The following WDR64 variants were observed in gnomAD, a reference collection of about 807,000 sequenced individuals.
WDR64 encodes WD repeat domain 64, also known as WD repeat-containing protein 64.
In WDR64, 112 loss-of-function variants were observed where a neutral mutation model predicts 139.3. That is an observed-to-expected ratio of 0.80 (90% CI 0.69 to 0.94). WDR64 has a LOEUF of 0.94. Among genes scored for constraint, WDR64 ranks in the 40% least tolerant of loss-of-function variants. The pLI, the probability that WDR64 is intolerant of heterozygous loss-of-function variation, is 0.00. For missense variants in WDR64, 1,206 were observed against 1,293.1 expected, an observed-to-expected ratio of 0.93 and a Z score of 1.03; for synonymous variants, 444 against 437.7, an observed-to-expected ratio of 1.01 and a Z score of -0.18.
chr1:241,783,606 T>C (rs1658927378), intron 23 of WDR64, among the ~76,000 whole-genome samples: 1 of 152,246 alleles, frequency 6.6e-6, no homozygotes, highest in African/African-American at 2.4e-5. Flanking sequence ...TATTAAAAGG[T>C]ATCACAAATG....
chr1:241,728,317 A>G lies in WDR64; in HGVS notation c.1194+4881A>G, dbSNP rs189261080. On this transcript the variant is annotated intron_variant, in intron 10 of 27. Coordinates refer to ENST00000437684, the MANE Select transcript of WDR64 (RefSeq NM_001367482.1). The stretch of plus-strand genomic sequence containing the variant: ...CACTGCACTCCAGCCTGGGCAATAG[A>G]GCGAGACTCAGTCTCAGAAAAGAAG... 1.1e-3 allele frequency among the ~76,000 whole-genome samples: 166 copies of G among 150,892 alleles called. 1 individual carries two copies. Among genetic ancestry groups the G allele is most frequent in the African/African-American group, 3.8e-3 (154 of 40,738 alleles).
chr1:241,732,197 T>C (rs1669108308), intron 10 of WDR64, among the ~76,000 whole-genome samples: 1 of 152,202 alleles, frequency 6.6e-6, no homozygotes, highest in Non-Finnish European at 1.5e-5. Flanking sequence ...GACCCCTTGC[T>C]CTATCTAAAT....
At chr1:241,719,293 T>A (rs1668516541) in intron 9 of WDR64, among the ~76,000 whole-genome samples, 1 of 152,200 alleles carries the variant, frequency 6.6e-6, no homozygotes, top group African/African-American at 2.4e-5. Context: ...ATCTTTTGAA[T>A]TCTTACTATA....
intron 7 of WDR64, among the ~76,000 whole-genome samples, chr1:241,686,035 A>C (rs887469523): frequency 3.3e-5 from 5 of 152,222 alleles, no homozygotes; most frequent in African/African-American, 7.2e-5. Flanking sequence ...GAATCTGGGT[A>C]CAGTTAAATG....
At position 241,696,707 on chromosome 1, in the gene WDR64, G is replaced by A. The variant is rs547820118; in HGVS notation, c.974+9112G>A. Among the ~76,000 whole-genome samples, 216 of 152,210 alleles carry A rather than the reference G, an allele frequency of 1.4e-3. 1 individual carries two copies. The highest frequency in any genetic ancestry group is 9.7e-4 in the Non-Finnish European group (66 of 68,016). On this transcript the variant is annotated intron_variant, in intron 8 of 27. Coordinates refer to ENST00000437684, the MANE Select transcript of WDR64 (RefSeq NM_001367482.1). ...AGCCTGCTACTGCATTATAATTTGCGTATAATGAGCAGTGAGGATGACCAG... is the reference window on the plus strand; with the variant it reads ...AGCCTGCTACTGCATTATAATTTGCATATAATGAGCAGTGAGGATGACCAG...
At chr1:241,790,728 GCAA>G (rs777780371) in intron 25 of WDR64, 32 bp downstream of exon 25, 19 of 1,350,996 alleles carry the variant, frequency 1.4e-5, no homozygotes, top group East Asian at 4.6e-5. Flanking sequence ...AAAAGAAATG[GCAA>G]CAACAACAAA....
intron 8 of WDR64, among the ~76,000 whole-genome samples, chr1:241,701,298 A>T (rs1376312360): frequency 6.6e-6 from 1 of 151,590 alleles, no homozygotes; most frequent in Admixed American, 6.6e-5. Context: ...ACACACACTC[A>T]CACACACAGA....
rs1416340030 is a variant in WDR64 at position 241,802,423 on chromosome 1, A to G, written c.*1208A>G. ...ATATCACAGAGAGATTTAGAGATTT[A>G]GAAGGGGTATGAAAGAACTTTCTGG... On this transcript the variant is annotated 3_prime_UTR_variant, in exon 28 of 28. Transcript: ENST00000437684. Among the ~76,000 whole-genome samples, 1 of 152,210 alleles carries G rather than the reference A, an allele frequency of 6.6e-6. No homozygotes were observed. Among genetic ancestry groups the G allele is most frequent in the Non-Finnish European group, 1.5e-5 (1 of 68,012 alleles).
chr1:241,726,123 C>T (rs1668828681), intron 10 of WDR64, among the ~76,000 whole-genome samples: 1 of 151,878 alleles, frequency 6.6e-6, no homozygotes, highest in South Asian at 2.1e-4. Context: ...GTTGCCCGAA[C>T]TTCTGGGCTC....
At position 241,757,345 on chromosome 1, in the gene WDR64, A is replaced by G; in HGVS notation, c.1833A>G (p.Leu611=). 6.2e-7 allele frequency: 1 copy of G among 1,614,034 alleles called. No individual in the cohort carries two copies. Among genetic ancestry groups the G allele is most frequent in the Middle Eastern group, 1.6e-4 (1 of 6,062 alleles). Residue 611 remains leucine (L), a synonymous_variant, in exon 15 of 28, where the codon CTA becomes CTG. Coordinates refer to ENST00000437684, the MANE Select transcript of WDR64 (RefSeq NM_001367482.1). The part of the protein sequence containing the change: ...IWELPDVVPF[L]QDGKHAVHLR... Reference sequence around the variant, plus strand: ...AGCTGCCTGATGTTGTGCCTTTCCTACAAGATGGGAAACATGCTGTGCATC... The same window carrying G: ...AGCTGCCTGATGTTGTGCCTTTCCTGCAAGATGGGAAACATGCTGTGCATC...
intron 10 of WDR64, among the ~76,000 whole-genome samples, chr1:241,737,421 A>G (rs1172585809): frequency 6.6e-6 from 1 of 152,206 alleles, no homozygotes; most frequent in Admixed American, 6.5e-5. Context: ...AGCTCTCTTA[A>G]CTAAACTACT....
chr1:241,763,426 T>C (rs1188211763), intron 15 of WDR64, among the ~76,000 whole-genome samples: 1 of 152,180 alleles, frequency 6.6e-6, no homozygotes, highest in Non-Finnish European at 1.5e-5. Context: ...TTTGCAAAAG[T>C]CGGCCAGGCA....
intron 10 of WDR64, among the ~76,000 whole-genome samples, chr1:241,735,193 A>C (rs1398620746): frequency 6.6e-6 from 1 of 151,584 alleles, no homozygotes; most frequent in Non-Finnish European, 1.5e-5. Flanking sequence ...TTCCCTCAAC[A>C]CTCTGTTTTG....
chr1:241,795,986 A>G (rs1659354140), intron 26 of WDR64, among the ~76,000 whole-genome samples: 1 of 152,114 alleles, frequency 6.6e-6, no homozygotes, highest in Non-Finnish European at 1.5e-5. Flanking sequence ...AGTGTCTCAC[A>G]CCTGTAACCC....
At chr1:241,790,731 A>G (rs1323773235) in intron 25 of WDR64, 35 bp downstream of exon 25, 1 of 1,433,728 alleles carries the variant, frequency 7.0e-7, no homozygotes, top group Non-Finnish European at 9.6e-7. Context: ...AGAAATGGCA[A>G]CAACAACAAA....
chr1:241,732,701 T>A (rs1250003579), intron 10 of WDR64, among the ~76,000 whole-genome samples: 1 of 151,926 alleles, frequency 6.6e-6, no homozygotes, highest in Non-Finnish European at 1.5e-5. Flanking sequence ...GCTCCTGTAA[T>A]CCCAGCTACT....
intron 22 of WDR64, among the ~76,000 whole-genome samples, chr1:241,782,771 T>C (rs758521683): frequency 1.3e-5 from 2 of 152,200 alleles, no homozygotes; most frequent in African/African-American, 4.8e-5. Flanking sequence ...CAACTACTTA[T>C]AGCATGTATC....
At chr1:241,700,677 C>G (rs2148145227) in intron 8 of WDR64, among the ~76,000 whole-genome samples, 1 of 152,244 alleles carries the variant, frequency 6.6e-6, no homozygotes, top group African/African-American at 2.4e-5. Flanking sequence ...GCCATGTGGT[C>G]TTGGGCATGT....
rs749295752 is a variant in WDR64, at chr1:241,741,633, TACTC to T, written c.1443_1446del (p.Thr482SerfsTer6). ...CTTTACAACAAATATTTTCATCAAG[TACTC>T]ACTATCTGCTCTGAATCCATAATTA... On this transcript the variant is annotated frameshift_variant, in exon 12 of 28. Transcript: ENST00000437684. LOFTEE classifies it high-confidence loss of function. The T allele has an allele frequency of 6.2e-7, 1 of 1,612,680 alleles. No individual in the cohort carries two copies. Among genetic ancestry groups the T allele is most frequent in the Admixed American group, 1.7e-5 (1 of 59,894 alleles).
Sources: gnomAD v4.1 joint callset for allele counts (sites outside exome capture counted in the v4.1 genomes callset) on GRCh38, gnomAD v4.1.1 for gene constraint, MANE v1.5 for transcripts, NCBI Gene and HGNC (gene_info 2026-07-23, HGNC 2026-07-21) for gene names.